The following PRP4K variants were observed in gnomAD, a reference collection of about 807,000 sequenced individuals.
PRP4K encodes pre-mRNA processing factor kinase PRP4K.
At chr6:4,060,040 G>A in the PRP4K span, among the ~76,000 whole-genome samples, 1 of 152,336 alleles carries the variant, frequency 6.6e-6, no homozygotes, top group South Asian at 2.1e-4. This position sits in a 1 kb window ranked among gnomAD's most constrained non-coding sequence, Gnocchi z 4.7. Context: ...TAAATGAATA[G>A]ATGATGATGA....
At chr6:4,058,411 A>G in the PRP4K span, among the ~76,000 whole-genome samples, 4 of 152,352 alleles carry the variant, frequency 2.6e-5, no homozygotes, top group South Asian at 4.1e-4. Context: ...GAGTTTTGTG[A>G]TATTTTTAGG....
chr6:4,029,624 A>C, the PRP4K span, among the ~76,000 whole-genome samples: 1 of 152,042 alleles, frequency 6.6e-6, no homozygotes, highest in Admixed American at 6.6e-5. Flanking sequence ...TGGTGCTGGG[A>C]TTACAGATGT....
At chr6:4,047,257 T>C in the PRP4K span, 10 of 1,602,346 alleles carry the variant, frequency 6.2e-6, no homozygotes, top group Non-Finnish European at 8.5e-6. Flanking sequence ...ATGTAAGTTA[T>C]TTTAAATCAA....
the PRP4K span, among the ~76,000 whole-genome samples, chr6:4,033,471 G>A: frequency 7.0e-4 from 107 of 152,290 alleles, no homozygotes; most frequent in African/African-American, 2.4e-3. Context: ...ATCAGAGAAT[G>A]TATATAATTT....
the PRP4K span, among the ~76,000 whole-genome samples, chr6:4,023,272 A>T: frequency 6.6e-6 from 1 of 152,246 alleles, no homozygotes; most frequent in Non-Finnish European, 1.5e-5. Context: ...ATTTAGAAAG[A>T]ATAAATATAA....
the PRP4K span, chr6:4,047,078 A>G: frequency 9.5e-7 from 1 of 1,047,474 alleles, no homozygotes; most frequent in Non-Finnish European, 1.5e-6. Context: ...CAAGAGGGCA[A>G]AAAAGTTTGA....
At chr6:4,037,688 C>T in the PRP4K span, 2 of 932,838 alleles carry the variant, frequency 2.1e-6, no homozygotes, top group Admixed American at 3.5e-5. Context: ...AGTTGTGTTC[C>T]CATAGTTTCC....
the PRP4K span, among the ~76,000 whole-genome samples, chr6:4,027,607 G>GC: frequency 1.1e-5 from 1 of 94,536 alleles, no homozygotes; most frequent in African/African-American, 4.0e-5. Flanking sequence ...GGGTGGGGGG[G>GC]TGGGGTGGGG....
Sources: allele counts gnomAD v4.1 joint callset (sites outside exome capture counted in the v4.1 genomes callset), GRCh38; gene constraint gnomAD v4.1.1; non-coding constraint Gnocchi (gnomAD v3.1); transcripts MANE v1.5; gene names NCBI Gene and HGNC (gene_info 2026-07-23, HGNC 2026-07-21).